Variants in NOL4L observed in about 807,000 individuals in gnomAD.
NOL4L encodes the protein nucleolar protein 4 like.
In NOL4L, 7 loss-of-function variants were observed where a neutral mutation model predicts 64.5. The observed-to-expected ratio is 0.11, with a 90% CI of 0.06 to 0.20. NOL4L has a LOEUF of 0.20. Among genes scored for constraint, NOL4L ranks in the 10% least tolerant of loss-of-function variants. The pLI, the probability that NOL4L is intolerant of heterozygous loss-of-function variation, is 1.00. For synonymous variants in NOL4L, 413 were observed against 401.0 expected (o/e 1.03, Z -0.36); for missense variants, 680 against 967.1 (o/e 0.70, Z 3.94).
intron 4 of NOL4L, among the ~76,000 whole-genome samples, chr20:32,485,031 C>T (rs1568642911): frequency 8.1e-6 from 1 of 122,894 alleles, no homozygotes. Flanking sequence ...GGGGAACTGC[C>T]CTCGTGGAAT....
chr20:32,560,920 C>G (rs746570714), intron 1 of NOL4L, among the ~76,000 whole-genome samples: 9 of 152,248 alleles, frequency 5.9e-5, no homozygotes, highest in African/African-American at 2.2e-4. Context: ...CAGTGCCTGC[C>G]GGAGGGGCCT....
At chr20:32,485,756 A>G (rs1209717227) in intron 4 of NOL4L, 4 of 470,888 alleles carry the variant, frequency 8.5e-6, no homozygotes, top group African/African-American at 6.0e-5. Flanking sequence ...GGAACTGTCC[A>G]TCCTCACTCT....
In NOL4L at chr20:32,464,911, C is replaced by T. The variant is rs1257773844; in HGVS notation, c.842-8516G>A. Reference sequence around the variant, plus strand: ...TTCCTACGGAGCCGCTGAGACGCAGCGTGTATTGCACACCTGTCTGCACTA... The same window carrying T: ...TTCCTACGGAGCCGCTGAGACGCAGTGTGTATTGCACACCTGTCTGCACTA... On this transcript the variant is annotated intron_variant, in intron 5 of 10. Coordinates refer to ENST00000621426, the MANE Select transcript of NOL4L (RefSeq NM_001256798.2). This position sits in a 1 kb window ranked among gnomAD's most constrained non-coding sequence, Gnocchi z 5.6. 3 of 439,958 alleles carry T rather than the reference C, an allele frequency of 6.8e-6. No homozygotes were observed. Among genetic ancestry groups the T allele is most frequent in the Non-Finnish European group, 1.3e-5 (3 of 239,130 alleles). 27.3% of individuals were successfully genotyped at this position (439,958 alleles called of 1,614,324 possible).
intron 1 of NOL4L, chr20:32,535,934 C>G: frequency 1.0e-6 from 1 of 985,768 alleles, no homozygotes; most frequent in African/African-American, 1.7e-5. Flanking sequence ...CTGCAGGACT[C>G]TGGCCTGGCG....
chr20:32,542,585 C>T (rs1386337293), intron 1 of NOL4L, among the ~76,000 whole-genome samples: 1 of 152,152 alleles, frequency 6.6e-6, no homozygotes. Context: ...AACTACTGGG[C>T]TCAAGAGATC....
chr20:32,474,195 C>T (rs1016929631), intron 5 of NOL4L, among the ~76,000 whole-genome samples: 1 of 152,248 alleles, frequency 6.6e-6, no homozygotes, highest in African/African-American at 2.4e-5. Context: ...TGGGCTATAG[C>T]CTCACATGTG....
intron 2 of NOL4L, among the ~76,000 whole-genome samples, chr20:32,526,050 G>A (rs540843860): frequency 7.4e-5 from 11 of 149,152 alleles, no homozygotes; most frequent in African/African-American, 2.8e-4. Context: ...GAGCCACCAC[G>A]CCTGGCCCCA....
chr20:32,474,569 C>A (rs755140872), intron 5 of NOL4L, 32 bp downstream of exon 5: 1 of 1,594,256 alleles, frequency 6.3e-7, no homozygotes, highest in Non-Finnish European at 8.6e-7. Context: ...CCGGGCACAG[C>A]CCCTCCTCAA....
chr20:32,494,056 C>T (rs2016569661), intron 4 of NOL4L, among the ~76,000 whole-genome samples: 1 of 152,068 alleles, frequency 6.6e-6, no homozygotes, highest in Admixed American at 6.6e-5. Flanking sequence ...AGTTCAAGAC[C>T]AGTCTGACCA....
Position 32,500,534 on chromosome 20 carries a change from C to CTAGAGACATGGTT in NOL4L, c.699+10812_699+10813insAACCATGTCTCTA, listed in dbSNP as rs1568661344. 8.0e-3 allele frequency among the ~76,000 whole-genome samples: 869 copies of CTAGAGACATGGTT among 108,650 alleles called. 15 individuals carry two copies. Among genetic ancestry groups the CTAGAGACATGGTT allele is most frequent in the Middle Eastern group, 0.013 (3 of 228 alleles). The allele number at this position is 108,650 out of a possible 152,430, so 71.3% of individuals were successfully genotyped here. On this transcript the variant is annotated intron_variant, in intron 4 of 10. Coordinates refer to ENST00000621426, the MANE Select transcript of NOL4L (RefSeq NM_001256798.2). ...ACGCCCAGCTAATTTTTTTGTATTT[C>CTAGAGACATGGTT]TTTCTTTTTTTTTTTTTTTTTTACT...
chr20:32,552,669 AAG>A (rs946659557), intron 1 of NOL4L, among the ~76,000 whole-genome samples: 1 of 151,886 alleles, frequency 6.6e-6, no homozygotes, highest in Non-Finnish European at 1.5e-5. Context: ...CCTGGGCGAC[AAG>A]AGAGAGACTC....
chr20:32,453,770 A>C lies in NOL4L; in HGVS notation c.1120-9T>G. 6.4e-7 allele frequency: 1 copy of C among 1,551,816 alleles called. No homozygotes were observed. Among genetic ancestry groups the C allele is most frequent in the Non-Finnish European group, 8.7e-7 (1 of 1,147,054 alleles). On this transcript the variant is annotated splice_polypyrimidine_tract_variant and intron_variant, in intron 6 of 10. Transcript: ENST00000621426. This position sits in a 1 kb window ranked among gnomAD's most constrained non-coding sequence, Gnocchi z 5.6. ...GAGCTGTAGGGGGGGGACTAAAAGG[A>C]GGGCAAGAGGCAGAGGGTTGGGCCA...
chr20:32,547,192 G>A (rs544347759), intron 1 of NOL4L, among the ~76,000 whole-genome samples: 23 of 152,304 alleles, frequency 1.5e-4, no homozygotes, highest in African/African-American at 5.5e-4. Context: ...CTTTTATGGG[G>A]GAGAAAACTG....
intron 6 of NOL4L, 50 bp downstream of exon 6, chr20:32,456,068 G>T: frequency 6.9e-7 from 1 of 1,445,082 alleles, no homozygotes; most frequent in South Asian, 1.5e-5. Flanking sequence ...TTCTCGCCTC[G>T]CGACAGCCCT....
In NOL4L at chr20:32,444,340, A is replaced by T. The variant is rs2012244151; in HGVS notation, c.*3256T>A. On this transcript the variant is annotated 3_prime_UTR_variant, in exon 11 of 11. Coordinates refer to ENST00000621426, the MANE Select transcript of NOL4L (RefSeq NM_001256798.2). ...TGAAATACTTTACTATTTTGTAAAA[A>T]GTTTTACAAAAAATTACAAATTAAA... 1 of 152,240 alleles carries T rather than the reference A, an allele frequency of 6.6e-6. No homozygotes were observed. The highest frequency in any genetic ancestry group is 2.4e-5 in the African/African-American group (1 of 41,464). The allele number at this position is 152,240 out of a possible 1,614,324, so 9.4% of individuals were successfully genotyped here. A position where few individuals can be genotyped will look rare whatever the true frequency, so the allele number is the denominator to read the frequency against.
intron 4 of NOL4L, among the ~76,000 whole-genome samples, chr20:32,476,198 G>GAC (rs1167969757): frequency 0.22 from 31,292 of 140,352 alleles, 3,511 homozygotes; most frequent in African/African-American, 0.25. Flanking sequence ...CACCCGGAGG[G>GAC]ACACACACAC....
At chr20:32,487,330 G>A (rs993266988) in intron 4 of NOL4L, among the ~76,000 whole-genome samples, 10 of 148,802 alleles carry the variant, frequency 6.7e-5, no homozygotes, top group African/African-American at 2.2e-4. Flanking sequence ...CTTAGATCCT[G>A]TAGAGATGGA....
At chr20:32,475,032 C>T in intron 4 of NOL4L, 2 of 985,440 alleles carry the variant, frequency 2.0e-6, no homozygotes, top group Non-Finnish European at 2.4e-6. Context: ...CTGGCTCTTA[C>T]CCTTGTGAGC....
At position 32,443,469 on chromosome 20, in the gene NOL4L, T is replaced by C. The variant is rs1424751236; in HGVS notation, c.*4127A>G. 6.6e-6 allele frequency: 1 copy of C among 152,254 alleles called. No individual in the cohort carries two copies. Among genetic ancestry groups the C allele is most frequent in the Non-Finnish European group, 1.5e-5 (1 of 68,042 alleles). 9.4% of individuals were successfully genotyped at this position (152,254 alleles called of 1,614,324 possible). On this transcript the variant is annotated 3_prime_UTR_variant, in exon 11 of 11. Coordinates refer to ENST00000621426, the MANE Select transcript of NOL4L (RefSeq NM_001256798.2). ...TATAATTTAGAGGTGAAGCCATTAATAGAGTCACCTTTAAAAGTTGGTGCC... is the reference window on the plus strand; with the variant it reads ...TATAATTTAGAGGTGAAGCCATTAACAGAGTCACCTTTAAAAGTTGGTGCC...
Sources: allele counts gnomAD v4.1 joint callset (sites outside exome capture counted in the v4.1 genomes callset), GRCh38; gene constraint gnomAD v4.1.1; non-coding constraint Gnocchi (gnomAD v3.1); transcripts MANE v1.5; gene names NCBI Gene and HGNC (gene_info 2026-07-23, HGNC 2026-07-21).